IFT74: variants seen among roughly 807,000 people sequenced by gnomAD.
IFT74 encodes intraflagellar transport 74.
A neutral mutation model predicts 96.7 loss-of-function variants in IFT74; 92 were observed. That is an observed-to-expected ratio of 0.95 (90% CI 0.80 to 1.13). IFT74 has a LOEUF of 1.13. Ranked by LOEUF, IFT74 falls within the 50% of genes most tolerant of loss-of-function variation. The pLI, the probability that IFT74 is intolerant of heterozygous loss-of-function variation, is 0.00. For synonymous variants in IFT74, 223 were observed against 213.2 expected, an observed-to-expected ratio of 1.05 and a Z score of -0.40; for missense variants, 811 against 698.2, an observed-to-expected ratio of 1.16 and a Z score of -1.82.
At chr9:27,040,321 T>TG (rs1819415234) in intron 13 of IFT74, among the ~76,000 whole-genome samples, 1 of 151,722 alleles carries the variant, frequency 6.6e-6, no homozygotes, top group Non-Finnish European at 1.5e-5. Flanking sequence ...GAGGCTGAAG[T>TG]GGGGGGATCA....
rs1314386365 is a variant in IFT74, at chr9:26,948,465, T to A, written c.-20+1319T>A. ...TTTCCATTATTTTTTTTTTTTTTTT[T>A]TTTTTTTTTTTTTTTTTTTTTTTGA... is the stretch of plus-strand genomic sequence containing the variant. On this transcript the variant is annotated intron_variant, in intron 1 of 19. Coordinates refer to the IFT74 transcript ENST00000433700. 8.2e-3 allele frequency among the ~76,000 whole-genome samples: 748 copies of A among 91,310 alleles called. 29 individuals carry two copies. Among genetic ancestry groups the A allele is most frequent in the African/African-American group, 0.017 (330 of 19,398 alleles). 59.9% of individuals were successfully genotyped at this position (91,310 alleles called of 152,430 possible).
At chr9:27,014,196 C>T (rs1043764787) in intron 10 of IFT74, among the ~76,000 whole-genome samples, 4 of 152,010 alleles carry the variant, frequency 2.6e-5, no homozygotes, top group East Asian at 1.9e-4. Flanking sequence ...GCCTGGGCGA[C>T]GGAGCAAGAT....
intron 8 of IFT74, among the ~76,000 whole-genome samples, chr9:27,002,913 A>G (rs1189012248): frequency 1.3e-5 from 2 of 152,160 alleles, no homozygotes; most frequent in African/African-American, 2.4e-5. Context: ...CTTCCACTCC[A>G]TGAACATGGA....
intron 12 of IFT74, among the ~76,000 whole-genome samples, chr9:27,024,974 TA>T (rs753094409): frequency 0.034 from 4,398 of 130,554 alleles, 60 homozygotes; most frequent in Non-Finnish European, 0.048. Context: ...AAAAAAGAAT[TA>T]AAAAAAAAAA....
chr9:26,992,256 G>GT (rs1056975637), intron 8 of IFT74, among the ~76,000 whole-genome samples: 7 of 151,766 alleles, frequency 4.6e-5, no homozygotes, highest in African/African-American at 1.5e-4. Flanking sequence ...CATCTATTTG[G>GT]TTTTTTTTAT....
chr9:27,000,018 C>T (rs913482041), intron 8 of IFT74, among the ~76,000 whole-genome samples: 1 of 152,076 alleles, frequency 6.6e-6, no homozygotes, highest in Non-Finnish European at 1.5e-5. Context: ...CCATTTCCCC[C>T]CAGCCACTGG....
rs1210204929 is a variant in IFT74, at chr9:26,961,800, A to G, written c.-19-149A>G. On this transcript the variant is annotated intron_variant, in intron 1 of 19. Transcript: ENST00000380062. ...ATAGTTGTAAATGGAGCACGATGTC[A>G]TATTTGAACAAAATTAGCCTTGTAG... 1.5e-5 allele frequency: 10 copies of G among 653,150 alleles called. No homozygotes were observed. In the South Asian group the frequency reaches 1.9e-4, roughly 12 times the overall value. The allele number at this position is 653,150 out of a possible 1,614,324, so 40.5% of individuals were successfully genotyped here. A position where few individuals can be genotyped will look rare whatever the true frequency, so the allele number is the denominator to read the frequency against.
intron 2 of IFT74, among the ~76,000 whole-genome samples, chr9:26,975,411 A>G (rs1158139436): frequency 6.6e-6 from 1 of 152,190 alleles, no homozygotes; most frequent in East Asian, 1.9e-4. Context: ...ATTGGAACCA[A>G]ATTTTGGCCG....
At position 26,988,716 on chromosome 9, in the gene IFT74, T is replaced by A; in HGVS notation, c.513T>A (p.Asn171Lys). ...NTNTEMEEVM[N>K]DYNMLKAQND... ...ACACTGAAATGGAAGAAGTAATGAA[T>A]GATTACAATATGGTAAGAAAATTTA... The change falls in exon 7 of 20, where the codon AAT becomes AAA. Residue 171 changes from asparagine (N) to lysine (K), a missense_variant. Asn to Lys is a moderately conservative substitution (Grantham distance 94). Coordinates refer to ENST00000380062, the MANE Select transcript of IFT74 (RefSeq NM_025103.4). 6.5e-7 allele frequency: 1 copy of A among 1,540,050 alleles called. No homozygotes were observed. The highest frequency in any genetic ancestry group is 8.9e-7 in the Non-Finnish European group (1 of 1,128,914).
At chr9:26,970,850 A>G (rs887557845) in intron 2 of IFT74, among the ~76,000 whole-genome samples, 1 of 152,222 alleles carries the variant, frequency 6.6e-6, no homozygotes, top group African/African-American at 2.4e-5. Context: ...GATTCTTAAC[A>G]AGGCAATGGG....
intron 2 of IFT74, among the ~76,000 whole-genome samples, chr9:26,972,787 C>G (rs929366911): frequency 1.3e-5 from 2 of 152,150 alleles, no homozygotes; most frequent in African/African-American, 4.8e-5. Context: ...CTTGCCTGCA[C>G]TTATTAGGTG....
chr9:26,973,212 G>T (rs767127214), intron 2 of IFT74, among the ~76,000 whole-genome samples: 8 of 152,170 alleles, frequency 5.3e-5, no homozygotes, highest in Non-Finnish European at 7.3e-5. Flanking sequence ...TGGTGTAACG[G>T]TTGGGGACAA....
At chr9:27,004,576 G>C (rs911075184) in intron 8 of IFT74, among the ~76,000 whole-genome samples, 7 of 152,286 alleles carry the variant, frequency 4.6e-5, no homozygotes, top group African/African-American at 1.4e-4. Flanking sequence ...CAGATACGCA[G>C]AATAGCTGGC....
chr9:26,976,140 C>T (rs1236314447), intron 2 of IFT74, among the ~76,000 whole-genome samples: 4 of 152,074 alleles, frequency 2.6e-5, no homozygotes, highest in Admixed American at 6.5e-5. Flanking sequence ...ATTTGTTTGT[C>T]ACAATGGGTG....
intron 8 of IFT74, among the ~76,000 whole-genome samples, chr9:27,000,523 A>G (rs1828425450): frequency 6.6e-6 from 1 of 152,200 alleles, no homozygotes; most frequent in African/African-American, 2.4e-5. Context: ...GGCGTGGTAG[A>G]TATACATAGT....
intron 12 of IFT74, among the ~76,000 whole-genome samples, chr9:27,019,065 G>A (rs1407963250): frequency 6.6e-6 from 1 of 151,922 alleles, no homozygotes; most frequent in Non-Finnish European, 1.5e-5. Context: ...TCAAACTCCT[G>A]GGCTCAAACC....
intron 5 of IFT74, 44 bp downstream of exon 5, chr9:26,984,399 T>C: frequency 5.1e-6 from 8 of 1,576,422 alleles, no homozygotes; most frequent in Non-Finnish European, 6.9e-6. Flanking sequence ...TTTGTGCTTA[T>C]AATACTAACT....
chr9:26,998,635 A>C (rs1828300941), intron 8 of IFT74, among the ~76,000 whole-genome samples: 1 of 152,182 alleles, frequency 6.6e-6, no homozygotes, highest in South Asian at 2.1e-4. Context: ...ATTTTAAACT[A>C]TATGTGTTTT....
intron 13 of IFT74, among the ~76,000 whole-genome samples, chr9:27,034,550 C>T (rs770232894): frequency 2.0e-5 from 3 of 152,006 alleles, no homozygotes; most frequent in Non-Finnish European, 2.9e-5. Context: ...TATTTTGAGA[C>T]GGAGTTTTTC....
Sources: allele counts gnomAD v4.1 joint callset (sites outside exome capture counted in the v4.1 genomes callset), GRCh38; gene constraint gnomAD v4.1.1; transcripts MANE v1.5; gene names NCBI Gene and HGNC (gene_info 2026-07-23, HGNC 2026-07-21).